Variants in RNF157 observed in about 807,000 individuals in gnomAD.
RNF157 encodes E3 ubiquitin ligase RNF157.
A neutral mutation model predicts 88.3 loss-of-function variants in RNF157; 55 were observed. The observed-to-expected ratio is 0.62, with a 90% CI of 0.50 to 0.78. The LOEUF (loss-of-function observed/expected upper bound fraction) is 0.78, where lower values mean the gene tolerates loss of function less well. Among genes scored for constraint, RNF157 ranks in the 30% least tolerant of loss-of-function variants. The pLI, the probability that RNF157 is intolerant of heterozygous loss-of-function variation, is 0.00. For missense variants in RNF157, 788 were observed against 860.8 expected (o/e 0.92, Z 1.06); for synonymous variants, 334 against 341.2 (o/e 0.98, Z 0.23).
Position 76,194,722 on chromosome 17 carries a change from A to G in RNF157, c.207+17642T>C, listed in dbSNP as rs76220936. Among the ~76,000 whole-genome samples the G allele has an allele frequency of 6.7e-3, 1,018 of 152,280 alleles. 9 individuals carry two copies. Among genetic ancestry groups the G allele is most frequent in the African/African-American group, 0.022 (933 of 41,552 alleles). On this transcript the variant is annotated intron_variant, in intron 2 of 18. Coordinates refer to ENST00000269391, the MANE Select transcript of RNF157 (RefSeq NM_052916.3). ...AAAAAGAGAGAGAGAAAAATATAAA[A>G]CCACAAGAGCAGGCCGGGCACGGTG...
At position 76,161,745 on chromosome 17, in the gene RNF157, G is replaced by A. The variant is rs769242019; in HGVS notation, c.952+98C>T. The A allele has an allele frequency of 7.6e-5, 117 of 1,536,322 alleles. No homozygotes were observed. The highest frequency in any genetic ancestry group is 9.0e-5 in the Non-Finnish European group (101 of 1,120,708). Reference sequence around the variant, plus strand: ...CCATGATCCCTCCCAGCGCGCATCCGTTTGTCAGATCCAGCAGCAGCACAT... The same window carrying A: ...CCATGATCCCTCCCAGCGCGCATCCATTTGTCAGATCCAGCAGCAGCACAT... On this transcript the variant is annotated intron_variant, in intron 10 of 18. Transcript: ENST00000269391. The surrounding 1 kb of genome is among the most constrained non-coding windows in gnomAD (Gnocchi z 4.6).
rs79015157 is a variant in RNF157, at chr17:76,155,523, G to A, written c.1698+39C>T. The A allele has an allele frequency of 1.5e-3, 2,378 of 1,599,822 alleles. 32 individuals carry two copies. In the African/African-American group the frequency reaches 0.026, roughly 17 times the overall value. ...ATGCTACTTTGGACATGTGCACAAA[G>A]AACAGAGAAGCCAGGGCGGTTCCCG... On this transcript the variant is annotated intron_variant, in intron 15 of 18. Transcript: ENST00000269391.
intron 2 of RNF157, among the ~76,000 whole-genome samples, chr17:76,201,966 G>C (rs552707970): frequency 6.6e-6 from 1 of 152,016 alleles, no homozygotes; most frequent in Admixed American, 6.6e-5. Context: ...TCGGAGAGGT[G>C]AAACAGTTGG....
intron 3 of RNF157, among the ~76,000 whole-genome samples, chr17:76,172,985 G>A (rs945240973): frequency 3.3e-5 from 5 of 151,924 alleles, no homozygotes; most frequent in African/African-American, 1.2e-4. Context: ...CATGATATAG[G>A]GAATAAAAAA....
Position 76,226,922 on chromosome 17 carries a change from G to A in RNF157, c.88+13231C>T, listed in dbSNP as rs139391612. On this transcript the variant is annotated intron_variant, in intron 1 of 18. Transcript: ENST00000269391. Reference sequence around the variant, plus strand: ...GCGCCATGGCTTAAGCCGCTGGGGGGTGCCGCTGCAGAGCCTGGTGCTGCT... The same window carrying A: ...GCGCCATGGCTTAAGCCGCTGGGGGATGCCGCTGCAGAGCCTGGTGCTGCT... 3.6e-3 allele frequency: 2,939 copies of A among 806,690 alleles called. 63 individuals are homozygous for A. The African/African-American group carries it at 0.045, about 12-fold the overall frequency. The allele number at this position is 806,690 out of a possible 1,614,324, so 50.0% of individuals were successfully genotyped here. A position where few individuals can be genotyped will look rare whatever the true frequency, so the allele number is the denominator to read the frequency against.
chr17:76,162,194 A>G (rs1235469312), intron 9 of RNF157, 192 bp from the exon 10 acceptor site: 1 of 636,268 alleles, frequency 1.6e-6, no homozygotes, highest in South Asian at 2.0e-5. Context: ...GTGTTTATCT[A>G]AAATTGAGAG....
chr17:76,203,360 T>C (rs2069619709), intron 2 of RNF157, among the ~76,000 whole-genome samples: 1 of 152,210 alleles, frequency 6.6e-6, no homozygotes, highest in South Asian at 2.1e-4. Context: ...GACTCACTGA[T>C]TGGCCATCGT....
intron 2 of RNF157, chr17:76,212,059 T>G: frequency 4.9e-6 from 1 of 204,716 alleles, no homozygotes; most frequent in East Asian, 1.0e-4. Flanking sequence ...TTAAGTGCCA[T>G]GAAGAAAAAA....
At position 76,198,826 on chromosome 17, in the gene RNF157, A is replaced by G. The variant is rs148764026; in HGVS notation, c.207+13538T>C. On this transcript the variant is annotated intron_variant, in intron 2 of 18. Coordinates refer to ENST00000269391, the MANE Select transcript of RNF157 (RefSeq NM_052916.3). ...GGAGGCATACCAGGCCCCTTGGTCC[A>G]GGCCTGGCATCTCAGTCTTATCTCT... Among the ~76,000 whole-genome samples the G allele has an allele frequency of 2.9e-4, 44 of 152,354 alleles. No individual in the cohort carries two copies. In the East Asian group the frequency reaches 7.9e-3, roughly 27 times the overall value.
chr17:76,226,953 CGCT>C (rs1298939442), intron 1 of RNF157: 20 of 637,158 alleles, frequency 3.1e-5, no homozygotes, highest in Admixed American at 1.3e-4. Flanking sequence ...CTGCTGCCGC[CGCT>C]GCAAAGGCCA....
chr17:76,156,124 C>T, intron 14 of RNF157, 86 bp downstream of exon 14: 2 of 1,057,808 alleles, frequency 1.9e-6, no homozygotes, highest in Non-Finnish European at 2.9e-6. Context: ...CTTGCCACTC[C>T]CATGTCCCTT....
chr17:76,165,764 G>A (rs1473675553), intron 6 of RNF157, among the ~76,000 whole-genome samples: 3 of 151,902 alleles, frequency 2.0e-5, no homozygotes, highest in South Asian at 2.1e-4. Flanking sequence ...TGTGGCCTCC[G>A]CCTCCCGGTT....
chr17:76,173,782 G>T lies in RNF157; in HGVS notation c.216C>A (p.Tyr72Ter). ...FLGNRPVVFPYAAPPPQEPVK... is the reference protein window; with the variant it reads ...FLGNRPVVFP Reference sequence around the variant, plus strand: ...CGGGTTCTTGGGGAGGTGGGGCGGCGTAAGGAAACTGTGTCAGAAACAAAG... The same window carrying T: ...CGGGTTCTTGGGGAGGTGGGGCGGCTTAAGGAAACTGTGTCAGAAACAAAG... Residue 72 changes from tyrosine (Y) to a stop codon, truncating the protein, a stop_gained, in exon 3 of 19, where the codon TAC becomes TAA. Transcript: ENST00000269391. LOFTEE classifies it high-confidence loss of function. 1 of 1,608,666 alleles carries T rather than the reference G, an allele frequency of 6.2e-7. No homozygotes were observed. The highest frequency in any genetic ancestry group is 1.3e-5 in the African/African-American group (1 of 74,838).
intron 1 of RNF157, among the ~76,000 whole-genome samples, chr17:76,213,047 T>C (rs1304759243): frequency 1.3e-5 from 2 of 152,216 alleles, no homozygotes; most frequent in Non-Finnish European, 2.9e-5. Context: ...ACTGAATTCT[T>C]CTAATGATCT....
intron 2 of RNF157, among the ~76,000 whole-genome samples, chr17:76,201,635 C>T (rs1017566165): frequency 3.9e-5 from 6 of 152,092 alleles, no homozygotes; most frequent in Non-Finnish European, 8.8e-5. Context: ...ATTTGTGTAG[C>T]TATAAATATA....
chr17:76,178,075 G>A (rs1444690584), intron 2 of RNF157, among the ~76,000 whole-genome samples: 3 of 152,160 alleles, frequency 2.0e-5, no homozygotes, highest in Non-Finnish European at 2.9e-5. Flanking sequence ...CTTGTTGCAG[G>A]ACAAGAATTT....
chr17:76,226,995 T>A (rs2070101318), intron 1 of RNF157, among the ~76,000 whole-genome samples: 1 of 152,072 alleles, frequency 6.6e-6, no homozygotes, highest in Admixed American at 6.5e-5. Context: ...CTGCCCCTAA[T>A]ATGCCATGGT....
At chr17:76,191,618 A>C (rs934168500) in intron 2 of RNF157, among the ~76,000 whole-genome samples, 3 of 151,602 alleles carry the variant, frequency 2.0e-5, no homozygotes, top group Non-Finnish European at 2.9e-5. Flanking sequence ...AAAAAAAAAA[A>C]AAAACATTAG....
intron 1 of RNF157, among the ~76,000 whole-genome samples, chr17:76,222,812 G>A (rs1049311801): frequency 1.3e-5 from 2 of 151,988 alleles, no homozygotes; most frequent in African/African-American, 4.8e-5. Context: ...TGAGAGAAAT[G>A]AAATCAAACA....
Sources: gnomAD v4.1 joint callset for allele counts (sites outside exome capture counted in the v4.1 genomes callset) on GRCh38, gnomAD v4.1.1 for gene constraint, Gnocchi (gnomAD v3.1) non-coding constraint, MANE v1.5 for transcripts, NCBI Gene and HGNC (gene_info 2026-07-23, HGNC 2026-07-21) for gene names.